The following DSN1 variants were observed in gnomAD, a reference collection of about 807,000 sequenced individuals.
The protein encoded by DSN1 is DSN1 component of MIS12 kinetochore complex.
Under a neutral mutation model 45.7 loss-of-function variants are expected in DSN1, and 31 were observed. The observed-to-expected ratio is 0.68, with a 90% CI of 0.51 to 0.92. The LOEUF is 0.92. Among genes scored for constraint, DSN1 ranks in the 40% least tolerant of loss-of-function variants. The pLI, the probability that DSN1 is intolerant of heterozygous loss-of-function variation, is 0.00. For synonymous variants in DSN1, 134 were observed against 142.3 expected, an observed-to-expected ratio of 0.94 and a Z score of 0.41; for missense variants, 394 against 414.2, an observed-to-expected ratio of 0.95 and a Z score of 0.42.
intron 1 of DSN1, 28 bp from the exon 2 acceptor site, chr20:36,771,501 G>A: frequency 6.2e-7 from 1 of 1,607,906 alleles, no homozygotes; most frequent in East Asian, 2.2e-5. Flanking sequence ...GAAGTGATCT[G>A]TTCTTCACGT....
chr20:36,761,549 T>C (rs1986981762), intron 6 of DSN1, among the ~76,000 whole-genome samples: 1 of 151,064 alleles, frequency 6.6e-6, no homozygotes, highest in South Asian at 2.1e-4. Context: ...CTCAGTAACA[T>C]AGGGAGACCC....
chr20:36,769,819 A>G (rs1379868225), intron 3 of DSN1, among the ~76,000 whole-genome samples: 2 of 151,878 alleles, frequency 1.3e-5, no homozygotes, highest in East Asian at 3.9e-4. Flanking sequence ...TGATGCTAAG[A>G]TATAGTTACT....
rs768746100 is a variant in DSN1 at position 36,752,944 on chromosome 20, A to G, written c.962-47T>C. On this transcript the variant is annotated intron_variant, in intron 10 of 10. Transcript: ENST00000373750. ...AAATAAATTTCAATTGAAATAACGT[A>G]ACATTTATTGAAAACTTAATGTAGG... The G allele has an allele frequency of 2.0e-6, 3 of 1,483,064 alleles. No individual in the cohort carries two copies. The African/African-American group carries it at 4.2e-5, about 21-fold the overall frequency. 91.9% of individuals were successfully genotyped at this position (1,483,064 alleles called of 1,614,324 possible).
chr20:36,767,621 G>A (rs1257433522), intron 4 of DSN1, among the ~76,000 whole-genome samples: 1 of 151,704 alleles, frequency 6.6e-6, no homozygotes, highest in Non-Finnish European at 1.5e-5. Flanking sequence ...AAAAAATTAA[G>A]GGCTGGATGC....
intron 1 of DSN1, chr20:36,773,267 A>T: frequency 1.6e-6 from 1 of 606,786 alleles, no homozygotes; most frequent in Non-Finnish European, 2.1e-6. Flanking sequence ...CGTAAGCACC[A>T]TTAACTCCAC....
In DSN1 at chr20:36,755,773, C is replaced by G; in HGVS notation, c.782G>C (p.Gly261Ala). Residue 261 changes from glycine to alanine, a missense_variant, in exon 9 of 11, where the codon GGG becomes GCG. Transcript: ENST00000373750. ...EVKVEPMTYLGSSQNEVLNTK... is the reference protein window; with the variant it reads ...EVKVEPMTYLASSQNEVLNTK... ...ATTAAGAACTTCATTCTGAGAAGAC[C>G]CAAGATATGTCATAGGTTCCACTTT... 6.2e-7 allele frequency: 1 copy of G among 1,613,920 alleles called. No homozygotes were observed. The highest frequency in any genetic ancestry group is 1.1e-5 in the South Asian group (1 of 91,068).
chr20:36,763,984 TGA>T (rs953831155), intron 5 of DSN1, among the ~76,000 whole-genome samples: 1 of 141,478 alleles, frequency 7.1e-6, no homozygotes, highest in African/African-American at 2.7e-5. Context: ...GATGCTGAGG[TGA>T]GAGTTTCACT....
chr20:36,756,013 GC>G (rs1490300534), intron 8 of DSN1, among the ~76,000 whole-genome samples, 184 bp from the exon 9 acceptor site: 1 of 151,570 alleles, frequency 6.6e-6, no homozygotes, highest in Non-Finnish European at 1.5e-5. Context: ...TCACTCTGTT[GC>G]CCAGGATGGA....
intron 8 of DSN1, among the ~76,000 whole-genome samples, chr20:36,756,378 T>C (rs1274619064): frequency 2.0e-5 from 3 of 152,148 alleles, no homozygotes; most frequent in African/African-American, 4.8e-5. Context: ...ATCCACTTAA[T>C]AGTAAGGTCC....
intron 6 of DSN1, 101 bp downstream of exon 6, chr20:36,762,360 T>G: frequency 1.0e-6 from 1 of 966,478 alleles, no homozygotes. Flanking sequence ...TCCGCCCACC[T>G]CGGCCTCCCA....
At chr20:36,759,076 G>A (rs1293024925) in intron 6 of DSN1, among the ~76,000 whole-genome samples, 2 of 151,602 alleles carry the variant, frequency 1.3e-5, no homozygotes, top group Non-Finnish European at 2.9e-5. Context: ...TCTGCCTCCC[G>A]GGTTCAAGTG....
rs751481395 is a variant in DSN1 at position 36,770,969 on chromosome 20, C to T, written c.259G>A (p.Ala87Thr). 6 of 1,614,082 alleles carry T rather than the reference C, an allele frequency of 3.7e-6. No homozygotes were observed. The highest frequency in any genetic ancestry group is 5.1e-6 in the Non-Finnish European group (6 of 1,180,048). Residue 87 changes from alanine (A) to threonine (T), a missense_variant, in exon 3 of 11, where the codon GCC becomes ACC. Coordinates refer to ENST00000373750, the MANE Select transcript of DSN1 (RefSeq NM_001145315.2). ...GATTGCCTCCTGTCTTGATAACTGG[C>T]AGATTGTTCTTGAGGAGACAAATGA... ...SLHLSPQEQS[A>T]SYQDRRQSWR...
At chr20:36,768,979 A>G (rs755348417) in intron 3 of DSN1, among the ~76,000 whole-genome samples, 7 of 152,196 alleles carry the variant, frequency 4.6e-5, no homozygotes, top group Non-Finnish European at 5.9e-5. Flanking sequence ...ATTTTATGAA[A>G]TGCTATATAC....
chr20:36,762,206 ATGCCATTCTCC>A (rs1987030994), intron 6 of DSN1, among the ~76,000 whole-genome samples: 1 of 143,860 alleles, frequency 7.0e-6, no homozygotes. Context: ...TACCGGGTTC[ATGCCATTCTCC>A]TGCCTCAGCC....
chr20:36,767,333 AAAAAC>A (rs2148280532), intron 4 of DSN1, among the ~76,000 whole-genome samples: 1 of 152,280 alleles, frequency 6.6e-6, no homozygotes, highest in Non-Finnish European at 1.5e-5. Flanking sequence ...CAAACAAAGA[AAAAAC>A]AAAAGACTTT....
intron 1 of DSN1, 91 bp from the exon 2 acceptor site, chr20:36,771,564 C>T (rs1987654836): frequency 2.5e-6 from 3 of 1,224,112 alleles, no homozygotes; most frequent in Non-Finnish European, 3.5e-6. Context: ...AGGCCGTGTG[C>T]TTTCCAGCCT....
rs148345898 is a variant in DSN1 at position 36,753,296 on chromosome 20, C to T, written c.962-399G>A. 4.3e-3 allele frequency among the ~76,000 whole-genome samples: 653 copies of T among 150,266 alleles called. 6 individuals are homozygous for T. Among genetic ancestry groups the T allele is most frequent in the African/African-American group, 0.015 (624 of 40,852 alleles). On this transcript the variant is annotated intron_variant, in intron 10 of 10. Coordinates refer to ENST00000373750, the MANE Select transcript of DSN1 (RefSeq NM_001145315.2). ...TTGAGGCTGCAATGAGTCATGACTG[C>T]GCCCCTGTATTCCACCCTGGGCAAC...
At chr20:36,772,333 G>A (rs747889256) in intron 1 of DSN1, among the ~76,000 whole-genome samples, 5 of 151,142 alleles carry the variant, frequency 3.3e-5, no homozygotes, top group African/African-American at 1.2e-4. Context: ...CTGTCGCCAA[G>A]GCTGGAGTGC....
chr20:36,760,424 T>C (rs1010493385), intron 6 of DSN1, among the ~76,000 whole-genome samples: 1 of 152,166 alleles, frequency 6.6e-6, no homozygotes, highest in Non-Finnish European at 1.5e-5. Flanking sequence ...TTAATTCTTA[T>C]GAAAAAGAAG....
Sources: allele counts gnomAD v4.1 joint callset (sites outside exome capture counted in the v4.1 genomes callset), GRCh38; gene constraint gnomAD v4.1.1; transcripts MANE v1.5; gene names NCBI Gene and HGNC (gene_info 2026-07-23, HGNC 2026-07-21).